RYR3: variants seen among roughly 807,000 people sequenced by gnomAD.
The protein encoded by RYR3 is brain ryanodine receptor-calcium release channel.
RYR3 carries 207 observed loss-of-function variants against 584.3 expected under a neutral mutation model. The observed-to-expected ratio is 0.35, with a 90% CI of 0.32 to 0.40. The LOEUF (loss-of-function observed/expected upper bound fraction) is 0.40, where lower values mean the gene tolerates loss of function less well. Among genes scored for constraint, RYR3 ranks in the 10% least tolerant of loss-of-function variants. RYR3 has a pLI of 1.00. For synonymous variants in RYR3, 2,416 were observed against 2,248.5 expected, an observed-to-expected ratio of 1.07 and a Z score of -2.11; for missense variants, 5,616 against 6,089.2, an observed-to-expected ratio of 0.92 and a Z score of 2.59.
Position 33,662,875 on chromosome 15 carries a change from G to A in RYR3, c.5345G>A (p.Gly1782Glu). 1.2e-6 allele frequency: 2 copies of A among 1,613,704 alleles called. No individual in the cohort carries two copies. The highest frequency in any genetic ancestry group is 1.7e-6 in the Non-Finnish European group (2 of 1,179,876). The change falls in exon 35 of 104, where the codon GGG becomes GAG. Residue 1782 changes from glycine (G) to glutamate (E), a missense_variant. Physicochemically the swap from Gly to Glu is moderately conservative, Grantham distance 98. Coordinates refer to ENST00000634891, the MANE Select transcript of RYR3 (RefSeq NM_001036.6). ...TQVEEKAVEA[G>E]EKAGKEAPVK... is the part of the protein sequence containing the mutation. ...GTGGAGGAGAAGGCTGTGGAGGCTG[G>A]GGAGAAGGCCGGCAAGGAGGCTCCT... is the stretch of plus-strand genomic sequence containing the variant.
chr15:33,442,319 T>C (rs1182151318), intron 1 of RYR3, among the ~76,000 whole-genome samples: 1 of 152,212 alleles, frequency 6.6e-6, no homozygotes, highest in Non-Finnish European at 1.5e-5. Context: ...AATTACATTG[T>C]TTTATGGTAT....
At chr15:33,695,844 G>T (rs1448206318) in intron 38 of RYR3, among the ~76,000 whole-genome samples, 1 of 150,174 alleles carries the variant, frequency 6.7e-6, no homozygotes, top group Non-Finnish European at 1.5e-5. Flanking sequence ...GCAGTGCAGT[G>T]ATGCAGTGGT....
At chr15:33,356,503 A>G (rs1416273694) in intron 1 of RYR3, among the ~76,000 whole-genome samples, 1 of 152,208 alleles carries the variant, frequency 6.6e-6, no homozygotes, top group Non-Finnish European at 1.5e-5. Context: ...ACTTTTCTCT[A>G]TGGACATAGT....
Position 33,702,548 on chromosome 15 carries a change from G to A in RYR3, c.6483+1468G>A, listed in dbSNP as rs189604241. Among the ~76,000 whole-genome samples, 261 of 152,290 alleles carry A rather than the reference G, an allele frequency of 1.7e-3. 1 individual carries two copies. The highest frequency in any genetic ancestry group is 5.9e-3 in the African/African-American group (245 of 41,556). On this transcript the variant is annotated intron_variant, in intron 42 of 103. Coordinates refer to ENST00000634891, the MANE Select transcript of RYR3 (RefSeq NM_001036.6). ...GAGGTAGAGCAGATCTGAGGAGGCC[G>A]GCGATGAGTTTGGGGTCTGTCAAGT...
intron 3 of RYR3, among the ~76,000 whole-genome samples, chr15:33,524,717 AT>A (rs1181444091): frequency 6.6e-6 from 1 of 152,192 alleles, no homozygotes; most frequent in Non-Finnish European, 1.5e-5. Context: ...GTAAAATGAT[AT>A]ATCAAAGTTG....
At chr15:33,415,916 T>A (rs1445747312) in intron 1 of RYR3, among the ~76,000 whole-genome samples, 3 of 152,174 alleles carry the variant, frequency 2.0e-5, no homozygotes, top group Non-Finnish European at 4.4e-5. Flanking sequence ...CATCTTTGCG[T>A]GTAGCCAATT....
intron 94 of RYR3, chr15:33,849,710 G>C (rs17236651): frequency 0.045 from 6,903 of 152,294 alleles, 220 homozygotes; most frequent in Non-Finnish European, 0.066. Context: ...GGCATGTTAA[G>C]AAACAGCAAC....
intron 3 of RYR3, among the ~76,000 whole-genome samples, chr15:33,517,790 C>T (rs942271616): frequency 1.3e-5 from 2 of 152,042 alleles, no homozygotes; most frequent in Non-Finnish European, 2.9e-5. Context: ...TTTATTACCC[C>T]CACTATGACC....
intron 1 of RYR3, among the ~76,000 whole-genome samples, chr15:33,343,027 A>G (rs1195058301): frequency 6.6e-6 from 1 of 152,200 alleles, no homozygotes; most frequent in Admixed American, 6.5e-5. Context: ...GAACATCCTT[A>G]AAAATGCTAT....
chr15:33,729,076 A>G lies in RYR3; in HGVS notation c.7203+50A>G, dbSNP rs767235841. The G allele has an allele frequency of 4.0e-6, 6 of 1,499,036 alleles. No homozygotes were observed. The Admixed American group carries it at 1.1e-4, about 27-fold the overall frequency. 92.9% of individuals were successfully genotyped at this position (1,499,036 alleles called of 1,614,324 possible). On this transcript the variant is annotated intron_variant, in intron 47 of 103. Coordinates refer to ENST00000634891, the MANE Select transcript of RYR3 (RefSeq NM_001036.6). ...TTATTGTTCCCATCATTGTGAAATTAGTAATGTTGGACTTCGAAGCAAATA... is the reference window on the plus strand; with the variant it reads ...TTATTGTTCCCATCATTGTGAAATTGGTAATGTTGGACTTCGAAGCAAATA...
chr15:33,496,507 T>C (rs2051438223), intron 2 of RYR3, among the ~76,000 whole-genome samples: 1 of 152,106 alleles, frequency 6.6e-6, no homozygotes, highest in Non-Finnish European at 1.5e-5. Context: ...TCCTCATATA[T>C]GCGCTCTTTT....
At chr15:33,670,591 T>C (rs926947189) in intron 38 of RYR3, 35 bp downstream of exon 38, 2 of 1,523,994 alleles carry the variant, frequency 1.3e-6, no homozygotes, top group African/African-American at 2.8e-5. Flanking sequence ...CAGTGTGCTC[T>C]TCTAAGACTT....
chr15:33,655,376 A>G (rs1218143526), intron 32 of RYR3, among the ~76,000 whole-genome samples: 2 of 152,226 alleles, frequency 1.3e-5, no homozygotes, highest in Non-Finnish European at 2.9e-5. Context: ...AGAGGACGCT[A>G]AAGCATCTCA....
chr15:33,835,018 C>G lies in RYR3; in HGVS notation c.11514C>G (p.Asp3838Glu). 4 of 1,613,972 alleles carry G rather than the reference C, an allele frequency of 2.5e-6. No individual in the cohort carries two copies. Among genetic ancestry groups the G allele is most frequent in the Non-Finnish European group, 3.4e-6 (4 of 1,179,868 alleles). Residue 3838 changes from aspartate to glutamate, a missense_variant, in exon 87 of 104, where the codon GAC becomes GAG. Asp to Glu is a conservative substitution (Grantham distance 45). This residue lies in a region of RYR3 where 954 missense variants were observed against 1,132.2 expected (regional missense o/e 0.84). Coordinates refer to ENST00000634891, the MANE Select transcript of RYR3 (RefSeq NM_001036.6). ...GCCTGGCTCACAGCAGGCTGTGGGA[C>G]GCAGTGGTTGGCTTCCTCCATGTCT... ...QQSLAHSRLW[D>E]AVVGFLHVFA... is the part of the protein sequence containing the mutation.
intron 9 of RYR3, 41 bp downstream of exon 9, chr15:33,548,245 C>A (rs558229260): frequency 7.9e-7 from 1 of 1,266,208 alleles, no homozygotes; most frequent in East Asian, 2.4e-5. Context: ...AGATTACTTT[C>A]TTTTTCAGTA....
At chr15:33,433,941 T>C (rs911059871) in intron 1 of RYR3, among the ~76,000 whole-genome samples, 1 of 152,330 alleles carries the variant, frequency 6.6e-6, no homozygotes, top group Admixed American at 6.5e-5. Flanking sequence ...TTATACTTAA[T>C]CTTTTTGTGT....
rs888963924 is a variant in RYR3 at position 33,865,788 on chromosome 15, T to G, written c.*562T>G. Reference sequence around the variant, plus strand: ...ATCGATTAAGTGCCTTAAAACCTCTTTAGACATAGCTATGCAAGTTTTTTA... The same window carrying G: ...ATCGATTAAGTGCCTTAAAACCTCTGTAGACATAGCTATGCAAGTTTTTTA... On this transcript the variant is annotated 3_prime_UTR_variant, in exon 104 of 104. Coordinates refer to ENST00000634891, the MANE Select transcript of RYR3 (RefSeq NM_001036.6). The G allele has an allele frequency of 6.5e-6, 1 of 153,080 alleles. No individual in the cohort carries two copies. The highest frequency in any genetic ancestry group is 1.5e-5 in the Non-Finnish European group (1 of 68,340). The allele number at this position is 153,080 out of a possible 1,614,324, so 9.5% of individuals were successfully genotyped here. A position where few individuals can be genotyped will look rare whatever the true frequency, so the allele number is the denominator to read the frequency against.
At chr15:33,794,957 G>A (rs1254482432) in intron 67 of RYR3, among the ~76,000 whole-genome samples, 1 of 152,200 alleles carries the variant, frequency 6.6e-6, no homozygotes, top group East Asian at 1.9e-4. Flanking sequence ...AACAGGGACA[G>A]CATTGCCATG....
intron 3 of RYR3, among the ~76,000 whole-genome samples, chr15:33,522,925 A>G (rs2054112844): frequency 6.6e-6 from 1 of 152,176 alleles, no homozygotes; most frequent in African/African-American, 2.4e-5. Context: ...AGAAAAAAAT[A>G]TCCGTGTTAC....
Sources: allele counts gnomAD v4.1 joint callset (sites outside exome capture counted in the v4.1 genomes callset), GRCh38; gene constraint gnomAD v4.1.1; regional missense constraint gnomAD v4.1.1; transcripts MANE v1.5; gene names NCBI Gene and HGNC (gene_info 2026-07-23, HGNC 2026-07-21).